Variants in KLF12 observed in about 807,000 individuals in gnomAD.
KLF12 encodes the protein KLF transcription factor 12, also known as Krueppel-like factor 12.
Under a neutral mutation model 37.8 loss-of-function variants are expected in KLF12, and 9 were observed. The observed-to-expected ratio is 0.24, with a 90% CI of 0.14 to 0.42. The LOEUF (loss-of-function observed/expected upper bound fraction) is 0.42. Ranked by LOEUF, KLF12 falls within the 10% of genes least tolerant of loss-of-function variation. KLF12 has a pLI of 1.00. For synonymous variants in KLF12, 208 were observed against 202.1 expected, an observed-to-expected ratio of 1.03 and a Z score of -0.25; for missense variants, 411 against 516.0, an observed-to-expected ratio of 0.80 and a Z score of 1.97.
At chr13:74,198,370 C>T in the KLF12 span, among the ~76,000 whole-genome samples, 1 of 152,222 alleles carries the variant, frequency 6.6e-6, no homozygotes, top group South Asian at 2.1e-4. Flanking sequence ...CCTTCCTGGG[C>T]ACTACCTGGG....
At chr13:73,934,962 T>TTTAC (rs1889860751) in intron 3 of KLF12, among the ~76,000 whole-genome samples, 1 of 144,668 alleles carries the variant, frequency 6.9e-6, no homozygotes, top group Non-Finnish European at 1.5e-5. Flanking sequence ...TATTTATTTA[T>TTTAC]TTATTTATTT....
intron 1 of KLF12, among the ~76,000 whole-genome samples, chr13:74,108,396 A>C (rs960324964): frequency 2.0e-5 from 3 of 152,164 alleles, no homozygotes; most frequent in Non-Finnish European, 4.4e-5. Flanking sequence ...CAAGAATCTA[A>C]ATGGAACTCT....
intron 2 of KLF12, among the ~76,000 whole-genome samples, chr13:73,948,197 C>T (rs892592288): frequency 2.0e-5 from 3 of 151,956 alleles, no homozygotes; most frequent in African/African-American, 4.8e-5. Flanking sequence ...TTCACTGCAC[C>T]AAGTTGGTTG....
At chr13:74,293,403 A>C in the KLF12 span, among the ~76,000 whole-genome samples, 1 of 152,218 alleles carries the variant, frequency 6.6e-6, no homozygotes, top group African/African-American at 2.4e-5. Context: ...GACTGAAAAA[A>C]TGAGAATTGG....
chr13:73,721,143 C>T (rs1876213987), intron 6 of KLF12, among the ~76,000 whole-genome samples: 1 of 152,208 alleles, frequency 6.6e-6, no homozygotes, highest in South Asian at 2.1e-4. Flanking sequence ...TATCCCTGTA[C>T]ACTGTATCCC....
chr13:74,061,582 C>T (rs551859219), intron 1 of KLF12, among the ~76,000 whole-genome samples: 3 of 152,260 alleles, frequency 2.0e-5, no homozygotes, highest in South Asian at 4.1e-4. Context: ...AGTTTCTTCA[C>T]CTGTGATTAA....
At chr13:74,163,830 G>A in the KLF12 span, among the ~76,000 whole-genome samples, 1 of 61,838 alleles carries the variant, frequency 1.6e-5, no homozygotes, top group African/African-American at 7.4e-5. Context: ...AAAACATCTT[G>A]TGCACCCCGT....
At chr13:74,127,528 T>C (rs1327536060) in intron 1 of KLF12, among the ~76,000 whole-genome samples, 2 of 152,216 alleles carry the variant, frequency 1.3e-5, no homozygotes, top group East Asian at 1.9e-4. Flanking sequence ...GCAGTGATAA[T>C]TGTAACATGA....
intron 2 of KLF12, chr13:73,961,851 G>A (rs1014055584): frequency 1.4e-5 from 5 of 361,132 alleles, no homozygotes; most frequent in Non-Finnish European, 2.2e-5. Context: ...ATCAGCAAAT[G>A]TAGGGGAGGA....
intron 3 of KLF12, among the ~76,000 whole-genome samples, chr13:73,866,144 A>G (rs1886164887): frequency 6.6e-6 from 1 of 152,038 alleles, no homozygotes; most frequent in Non-Finnish European, 1.5e-5. Flanking sequence ...TAATCCAGCT[A>G]CTCGGGAGGC....
chr13:74,060,726 T>C (rs1873546861), intron 1 of KLF12, among the ~76,000 whole-genome samples: 1 of 152,166 alleles, frequency 6.6e-6, no homozygotes, highest in Admixed American at 6.5e-5. Context: ...AGAGATAATT[T>C]TACTTCCTCT....
At chr13:73,741,671 C>A (rs950817696) in intron 6 of KLF12, among the ~76,000 whole-genome samples, 5 of 152,192 alleles carry the variant, frequency 3.3e-5, no homozygotes, top group African/African-American at 1.2e-4. Context: ...ACCCTCATCT[C>A]TGACTTCCCA....
intron 1 of KLF12, among the ~76,000 whole-genome samples, chr13:74,019,912 T>G (rs1892797061): frequency 6.6e-6 from 1 of 152,216 alleles, no homozygotes; most frequent in African/African-American, 2.4e-5. Flanking sequence ...TCATAAAATC[T>G]TAACAATTTC....
At chr13:74,137,623 T>C (rs967917632), upstream of KLF12, among the ~76,000 whole-genome samples, 1 of 152,192 alleles carries the variant, frequency 6.6e-6, no homozygotes, top group Non-Finnish European at 1.5e-5. Context: ...AATTTACAAT[T>C]AGAAATAATG....
chr13:73,931,399 T>C (rs995876877), intron 3 of KLF12, among the ~76,000 whole-genome samples: 4 of 152,114 alleles, frequency 2.6e-5, no homozygotes, highest in East Asian at 3.9e-4. Flanking sequence ...AAACACTGCA[T>C]AGAAATGTGA....
intron 5 of KLF12, among the ~76,000 whole-genome samples, chr13:73,773,497 C>T (rs1238206253): frequency 2.0e-5 from 3 of 152,178 alleles, no homozygotes; most frequent in Non-Finnish European, 4.4e-5. Context: ...TGTTAAACAA[C>T]CCAGAAACCC....
chr13:74,213,638 C>T, the KLF12 span, among the ~76,000 whole-genome samples: 3 of 137,830 alleles, frequency 2.2e-5, no homozygotes, highest in Non-Finnish European at 4.7e-5. Context: ...TCCCTTCTTT[C>T]CTCCCTTCCT....
chr13:73,737,266 CCTTT>C (rs1211190835), intron 6 of KLF12, among the ~76,000 whole-genome samples: 1 of 152,092 alleles, frequency 6.6e-6, no homozygotes, highest in Admixed American at 6.5e-5. Context: ...ACAACTGTAG[CCTTT>C]CTTTGAGTCA....
At chr13:74,161,995 C>T in the KLF12 span, among the ~76,000 whole-genome samples, 24 of 152,204 alleles carry the variant, frequency 1.6e-4, no homozygotes, top group African/African-American at 5.1e-4. Context: ...TTTGCAATTT[C>T]TCTTATAAGA....
Sources: allele counts gnomAD v4.1 joint callset (sites outside exome capture counted in the v4.1 genomes callset), GRCh38; gene constraint gnomAD v4.1.1; transcripts MANE v1.5; gene names NCBI Gene and HGNC (gene_info 2026-07-23, HGNC 2026-07-21).